DNAJB2: variants seen among roughly 807,000 people sequenced by gnomAD.
DNAJB2 encodes the protein DnaJ heat shock protein family (Hsp40) member B2, also known as dnaJ homolog subfamily B member 2.
In DNAJB2, 19 loss-of-function variants were observed where a neutral mutation model predicts 33.3. The observed-to-expected ratio is 0.57, with a 90% CI of 0.40 to 0.84. The LOEUF is 0.84. Ranked by LOEUF, DNAJB2 falls within the 40% of genes least tolerant of loss-of-function variation. The pLI is 0.00. For missense variants in DNAJB2, 368 were observed against 430.9 expected, an observed-to-expected ratio of 0.85 and a Z score of 1.29; for synonymous variants, 172 against 164.6, an observed-to-expected ratio of 1.04 and a Z score of -0.34.
rs756021656 is a variant in DNAJB2, at chr2:219,284,902, G to C, written c.890G>C (p.Gly297Ala). The change falls in exon 9 of 9, where the codon GGG becomes GCG. Residue 297 changes from glycine (G) to alanine (A), a missense_variant. Transcript: ENST00000336576. ...PKAQHQDPGLGGTQEGARGEA... is the reference protein window; with the variant it reads ...PKAQHQDPGLAGTQEGARGEA... Reference sequence around the variant, plus strand: ...GCCCAGCACCAAGATCCAGGCTTGGGGGGGACCCAGGAGGGTGCGAGGGGT... The same window carrying C: ...GCCCAGCACCAAGATCCAGGCTTGGCGGGGACCCAGGAGGGTGCGAGGGGT... 3 of 1,603,364 alleles carry C rather than the reference G, an allele frequency of 1.9e-6. No individual in the cohort carries two copies. The highest frequency in any genetic ancestry group is 2.2e-5 in the East Asian group (1 of 44,566).
Position 219,279,766 on chromosome 2 carries a change from G to T in DNAJB2, c.-36-32G>T. ...CTGCAGCCACAGGGTGGGGCTCTTG[G>T]TTCTTTCCGCCTGACTCCTTCTCTT... is the stretch of plus-strand genomic sequence containing the variant. On this transcript the variant is annotated intron_variant, in intron 1 of 8. Transcript: ENST00000336576. The surrounding 1 kb of genome is among the most constrained non-coding windows in gnomAD (Gnocchi z 4.9). 6.3e-7 allele frequency: 1 copy of T among 1,591,006 alleles called. No individual in the cohort carries two copies. Among genetic ancestry groups the T allele is most frequent in the East Asian group, 2.2e-5 (1 of 44,614 alleles).
At position 219,280,593 on chromosome 2, in the gene DNAJB2, T is replaced by C. The variant is rs1473336849; in HGVS notation, c.81T>C (p.Ala27=). The C allele has an allele frequency of 6.2e-7, 1 of 1,613,798 alleles. No homozygotes were observed. The highest frequency in any genetic ancestry group is 8.5e-7 in the Non-Finnish European group (1 of 1,180,000). Residue 27 remains alanine (A), a synonymous_variant, in exon 3 of 9, where the codon GCT becomes GCC. Transcript: ENST00000336576. The stretch of plus-strand genomic sequence containing the variant: ...CTTTCTGCAGGTATCGGCGCAAGGC[T>C]CTCCAGTGGCACCCAGACAAAAACC... ...DDIKKAYRRK[A]LQWHPDKNPD... is the part of the protein sequence containing the mutation.
chr2:219,281,513 A>G (rs1289663534), intron 3 of DNAJB2: 2 of 613,792 alleles, frequency 3.3e-6, no homozygotes, highest in African/African-American at 3.7e-5. Flanking sequence ...GATGACAGCC[A>G]TTTTCCAGAT....
intron 8 of DNAJB2, 60 bp downstream of exon 8, chr2:219,283,549 C>A (rs1385265552): frequency 2.0e-6 from 3 of 1,526,318 alleles, no homozygotes; most frequent in Non-Finnish European, 2.7e-6. Flanking sequence ...ACCTCAGCAG[C>A]CTCCTCCCCA....
chr2:219,286,003 A>G lies in DNAJB2; in HGVS notation c.*1016A>G. 1 of 1,612,910 alleles carries G rather than the reference A, an allele frequency of 6.2e-7. No homozygotes were observed. The highest frequency in any genetic ancestry group is 8.5e-7 in the Non-Finnish European group (1 of 1,179,790). ...TCTCCCCAGATGTGTTCTGAGCTGG[A>G]TGCCGGGTTCCAGAATCGCTGCACA... On this transcript the variant is annotated 3_prime_UTR_variant, in exon 9 of 9. Coordinates refer to ENST00000336576, the MANE Select transcript of DNAJB2 (RefSeq NM_006736.6).
In DNAJB2 at chr2:219,286,057, G is replaced by C; in HGVS notation, c.*1070G>C. The stretch of plus-strand genomic sequence containing the variant: ...CCAACAGGACAGCGCCTTCCCCCAT[G>C]CGCTGGGAGGGGACCCTCCATTTCT... On this transcript the variant is annotated 3_prime_UTR_variant, in exon 9 of 9. Transcript: ENST00000336576. 1 of 1,604,782 alleles carries C rather than the reference G, an allele frequency of 6.2e-7. No individual in the cohort carries two copies. Among genetic ancestry groups the C allele is most frequent in the Non-Finnish European group, 8.5e-7 (1 of 1,176,956 alleles).
At chr2:219,282,619 C>T (rs1326856749) in intron 5 of DNAJB2, 4 of 475,484 alleles carry the variant, frequency 8.4e-6, no homozygotes, top group Non-Finnish European at 1.5e-5. Context: ...CCCTCTTCCC[C>T]CTCCTTCCTT....
In DNAJB2 at chr2:219,279,822, T is replaced by C. The variant is rs1951888292; in HGVS notation, c.-12T>C. On this transcript the variant is annotated 5_prime_UTR_variant, in exon 2 of 9. Transcript: ENST00000336576. This position sits in a 1 kb window ranked among gnomAD's most constrained non-coding sequence, Gnocchi z 4.9. ...GCCCCAAGGAGGCCCGCCTGACGAC[T>C]GACCAGTTGCCATGGCATCCTACTA... 4 of 1,613,810 alleles carry C rather than the reference T, an allele frequency of 2.5e-6. No homozygotes were observed. Among genetic ancestry groups the C allele is most frequent in the Non-Finnish European group, 3.4e-6 (4 of 1,179,956 alleles).
chr2:219,285,809 G>T lies in DNAJB2; in HGVS notation c.*822G>T. On this transcript the variant is annotated 3_prime_UTR_variant, in exon 9 of 9. Coordinates refer to ENST00000336576, the MANE Select transcript of DNAJB2 (RefSeq NM_006736.6). ...TGGCTCACCCTGAAGAGGTGGGATA[G>T]GACCGGGGGACCCCAGAGGGAGGCC... is the stretch of plus-strand genomic sequence containing the variant. The T allele has an allele frequency of 7.1e-7, 1 of 1,402,318 alleles. No homozygotes were observed. 86.9% of individuals were successfully genotyped at this position (1,402,318 alleles called of 1,614,324 possible).
rs1003266824 is a variant in DNAJB2 at position 219,281,702 on chromosome 2, TG to T, written c.176-14del. The T allele has an allele frequency of 1.2e-6, 2 of 1,613,828 alleles. No individual in the cohort carries two copies. Among genetic ancestry groups the T allele is most frequent in the Non-Finnish European group, 1.7e-6 (2 of 1,180,002 alleles). On this transcript the variant is annotated splice_polypyrimidine_tract_variant and intron_variant, in intron 3 of 8. Transcript: ENST00000336576. ...ATCCCAGAGGGAGGGTGAAATGATC[TG>T]GTCTCTTTTTGCAGAGCACAAGCGG...
Position 219,286,132 on chromosome 2 carries a change from GGCC to G in DNAJB2, c.*1147_*1149del. 1.3e-6 allele frequency: 1 copy of G among 755,208 alleles called. No homozygotes were observed. The highest frequency in any genetic ancestry group is 2.1e-6 in the Non-Finnish European group (1 of 481,074). 46.8% of individuals were successfully genotyped at this position (755,208 alleles called of 1,614,324 possible). A position where few individuals can be genotyped will look rare whatever the true frequency, so the allele number is the denominator to read the frequency against. The stretch of plus-strand genomic sequence containing the variant: ...AGCCGGGGCCTGGGTGGCGGGTGGG[GGCC>G]GGGTGGGAGGTGGCAGTAGTCTTAG... On this transcript the variant is annotated 3_prime_UTR_variant, in exon 9 of 9. Coordinates refer to ENST00000336576, the MANE Select transcript of DNAJB2 (RefSeq NM_006736.6).
intron 5 of DNAJB2, 23 bp downstream of exon 5, chr2:219,282,084 T>G: frequency 6.2e-7 from 1 of 1,614,008 alleles, no homozygotes; most frequent in Non-Finnish European, 8.5e-7. Context: ...TGGAAGCCTC[T>G]GAATGGCTCA....
chr2:219,285,125 C>T lies in DNAJB2; in HGVS notation c.*138C>T. 3 of 1,375,822 alleles carry T rather than the reference C, an allele frequency of 2.2e-6. No individual in the cohort carries two copies. The highest frequency in any genetic ancestry group is 2.8e-6 in the Non-Finnish European group (3 of 1,059,928). 85.2% of individuals were successfully genotyped at this position (1,375,822 alleles called of 1,614,324 possible). A position where few individuals can be genotyped will look rare whatever the true frequency, so the allele number is the denominator to read the frequency against. On this transcript the variant is annotated 3_prime_UTR_variant, in exon 9 of 9. Transcript: ENST00000336576. ...CCCTCCACAAGTTTCCCTCCCAGGC[C>T]CCCCACACCCCAGTGTGGACTTGGG...
chr2:219,282,179 A>C, intron 5 of DNAJB2, 118 bp downstream of exon 5: 1 of 1,566,752 alleles, frequency 6.4e-7, no homozygotes, highest in Non-Finnish European at 8.8e-7. Flanking sequence ...CACGGACAGA[A>C]GATTTTGTGG....
In DNAJB2 at chr2:219,284,921, G is replaced by C; in HGVS notation, c.909G>C (p.Ala303=). 1 of 1,582,196 alleles carries C rather than the reference G, an allele frequency of 6.3e-7. No homozygotes were observed. The highest frequency in any genetic ancestry group is 1.3e-5 in the African/African-American group (1 of 74,342). Residue 303 remains alanine (A), a synonymous_variant, in exon 9 of 9, where the codon GCG becomes GCC. Coordinates refer to ENST00000336576, the MANE Select transcript of DNAJB2 (RefSeq NM_006736.6). ...DPGLGGTQEG[A]RGEATKRSPS... ...GCTTGGGGGGGACCCAGGAGGGTGC[G>C]AGGGGTGAAGCAACCAAACGCAGTC...
chr2:219,284,756 C>T lies in DNAJB2; in HGVS notation c.744C>T (p.Asp248=), dbSNP rs1302206908. 1.2e-6 allele frequency: 2 copies of T among 1,613,572 alleles called. No homozygotes were observed. The highest frequency in any genetic ancestry group is 1.1e-5 in the South Asian group (1 of 91,078). ...QTPASCPLDS[D]LSEDEDLQLA... ...CTGCCTCATGCCCCTTGGACAGCGACCTCTCTGAGGATGAGGACCTGCAGC... is the reference window on the plus strand; with the variant it reads ...CTGCCTCATGCCCCTTGGACAGCGATCTCTCTGAGGATGAGGACCTGCAGC... The change falls in exon 9 of 9, where the codon GAC becomes GAT. Residue 248 remains aspartate (D), a synonymous_variant. Coordinates refer to ENST00000336576, the MANE Select transcript of DNAJB2 (RefSeq NM_006736.6).
chr2:219,279,997 G>T lies in DNAJB2; in HGVS notation c.65+99G>T. ...ACCTGTAGGTGTCTGAGGGAACCAG[G>T]TCGTTAGAAAGCACTGGGGTGCTTC... On this transcript the variant is annotated intron_variant, in intron 2 of 8. Transcript: ENST00000336576. The surrounding 1 kb of genome is among the most constrained non-coding windows in gnomAD (Gnocchi z 4.9). 1 of 1,401,746 alleles carries T rather than the reference G, an allele frequency of 7.1e-7. No homozygotes were observed. The highest frequency in any genetic ancestry group is 2.3e-5 in the East Asian group (1 of 43,434). 86.8% of individuals were successfully genotyped at this position (1,401,746 alleles called of 1,614,324 possible). A position where few individuals can be genotyped will look rare whatever the true frequency, so the allele number is the denominator to read the frequency against.
chr2:219,282,890 C>T lies in DNAJB2; in HGVS notation c.406C>T (p.Pro136Ser). 8 of 1,606,648 alleles carry T rather than the reference C, an allele frequency of 5.0e-6. No homozygotes were observed. Among genetic ancestry groups the T allele is most frequent in the Non-Finnish European group, 6.8e-6 (8 of 1,177,534 alleles). The change falls in exon 6 of 9, where the codon CCC (proline) becomes TCC (serine). Residue 136 changes from proline (P) to serine (S), a missense_variant. Transcript: ENST00000336576. The stretch of plus-strand genomic sequence containing the variant: ...GAACCGGGGTTCCCGACACTCAGGC[C>T]CCTTCTTTACCTTCTCTTCCTCCTT... ...LQNRGSRHSG[P>S]FFTFSSSFPG...
chr2:219,282,099 C>T lies in DNAJB2; in HGVS notation c.352+38C>T, dbSNP rs769665024. On this transcript the variant is annotated intron_variant, in intron 5 of 8. Transcript: ENST00000336576. The stretch of plus-strand genomic sequence containing the variant: ...TGGAAGCCTCTGAATGGCTCAACTT[C>T]CCCCTCCAGGCCTGTCCTTCCATCA... The T allele has an allele frequency of 3.1e-6, 5 of 1,613,914 alleles. No individual in the cohort carries two copies. In the South Asian group the frequency reaches 3.3e-5, roughly 11 times the overall value.
Sources: allele counts gnomAD v4.1 joint callset, GRCh38; gene constraint gnomAD v4.1.1; non-coding constraint Gnocchi (gnomAD v3.1); transcripts MANE v1.5; gene names NCBI Gene and HGNC (gene_info 2026-07-23, HGNC 2026-07-21).